Variants in ABCC4 observed in about 807,000 individuals in gnomAD.
The protein encoded by ABCC4 is ATP binding cassette subfamily C member 4 (PEL blood group).
In ABCC4, 102 loss-of-function variants were observed where a neutral mutation model predicts 168.5. That is an observed-to-expected ratio of 0.61 (90% CI 0.52 to 0.71). ABCC4 has a LOEUF of 0.71. ABCC4 is among the 30% of genes least tolerant of loss of function. The pLI is 0.00. For synonymous variants in ABCC4, 617 were observed against 590.7 expected, an observed-to-expected ratio of 1.04 and a Z score of -0.65; for missense variants, 1,402 against 1,605.8, an observed-to-expected ratio of 0.87 and a Z score of 2.17.
intron 1 of ABCC4, among the ~76,000 whole-genome samples, chr13:95,294,474 C>T (rs2041477148): frequency 6.6e-6 from 1 of 152,152 alleles, no homozygotes; most frequent in African/African-American, 2.4e-5. Context: ...GGACTTTCAC[C>T]ATCTTGCGGC....
chr13:95,047,545 TC>T (rs2032639934), intron 27 of ABCC4, among the ~76,000 whole-genome samples: 2 of 139,096 alleles, frequency 1.4e-5, no homozygotes, highest in African/African-American at 5.3e-5. Flanking sequence ...AGTGGTGCGA[TC>T]TCAGCTCACT....
chr13:95,201,208 CTACATGCA>C (rs2038614923), intron 8 of ABCC4, among the ~76,000 whole-genome samples: 1 of 152,186 alleles, frequency 6.6e-6, no homozygotes, highest in East Asian at 1.9e-4. Flanking sequence ...TTTTATTTTA[CTACATGCA>C]TACATCTATC....
At chr13:95,136,690 A>G (rs2036153963) in intron 19 of ABCC4, among the ~76,000 whole-genome samples, 1 of 152,332 alleles carries the variant, frequency 6.6e-6, no homozygotes, top group African/African-American at 2.4e-5. Context: ...CCACACATCA[A>G]TTCTCCTAGT....
chr13:95,159,132 T>TATATATATAA (rs1486901839), intron 19 of ABCC4, among the ~76,000 whole-genome samples: 6 of 124,392 alleles, frequency 4.8e-5, no homozygotes, highest in African/African-American at 1.3e-4. Flanking sequence ...TATATATATA[T>TATATATATAA]AACTATTGAA....
intron 30 of ABCC4, among the ~76,000 whole-genome samples, chr13:95,029,244 AG>A (rs1255784705): frequency 3.9e-4 from 2 of 5,120 alleles, no homozygotes; most frequent in African/African-American, 6.9e-4. Flanking sequence ...AGAGAGAGAG[AG>A]AGAGAGAGAA....
chr13:95,109,567 A>G (rs750025331), intron 20 of ABCC4, among the ~76,000 whole-genome samples: 5 of 152,194 alleles, frequency 3.3e-5, no homozygotes, highest in Non-Finnish European at 5.9e-5. Context: ...ATCTATTTAG[A>G]TATTTATTCT....
chr13:95,225,153 T>TCACACACA (rs61398515), intron 4 of ABCC4, among the ~76,000 whole-genome samples: 3 of 35,220 alleles, frequency 8.5e-5, no homozygotes, highest in African/African-American at 1.9e-4. Context: ...TCTCTCTCTC[T>TCACACACA]CACACACACA....
chr13:95,240,319 G>A (rs906006680), intron 3 of ABCC4, among the ~76,000 whole-genome samples: 3 of 152,202 alleles, frequency 2.0e-5, no homozygotes, highest in Admixed American at 6.5e-5. Flanking sequence ...ACCACTTGAG[G>A]TCAGGAGTTC....
chr13:95,071,714 C>T lies in ABCC4; in HGVS notation c.3158G>A (p.Gly1053Asp). Residue 1053 changes from glycine to aspartate, a missense_variant, in exon 25 of 31, where the codon GGT becomes GAT. Transcript: ENST00000645237. Reference sequence around the variant, plus strand: ...CAGATGCTTCAGTACCAGAGGCCCACCTGGACTGTACATGAAGTTCACATT... The same window carrying T: ...CAGATGCTTCAGTACCAGAGGCCCATCTGGACTGTACATGAAGTTCACATT... The part of the protein sequence containing the change: ...FDNVNFMYSP[G>D]GPLVLKHLTA... 1 of 1,581,100 alleles carries T rather than the reference C, an allele frequency of 6.3e-7. No individual in the cohort carries two copies. Among genetic ancestry groups the T allele is most frequent in the Non-Finnish European group, 8.6e-7 (1 of 1,165,448 alleles).
intron 20 of ABCC4, among the ~76,000 whole-genome samples, chr13:95,105,185 C>T (rs9590185): frequency 0.033 from 5,079 of 152,008 alleles, 279 homozygotes; most frequent in African/African-American, 0.12. Context: ...CTAGCATGCA[C>T]ATTTCACAAT....
chr13:95,086,360 T>G (rs575148598), intron 20 of ABCC4, among the ~76,000 whole-genome samples: 1 of 152,300 alleles, frequency 6.6e-6, no homozygotes, highest in Non-Finnish European at 1.5e-5. Flanking sequence ...CACATTTTAA[T>G]AAATATATAA....
chr13:95,148,008 G>A (rs200975949), intron 19 of ABCC4, among the ~76,000 whole-genome samples: 1 of 151,204 alleles, frequency 6.6e-6, no homozygotes, highest in African/African-American at 2.4e-5. Context: ...TTTGTGGCTT[G>A]TTAGTCTTGG....
chr13:95,183,363 GC>G (rs1327049154), intron 11 of ABCC4, among the ~76,000 whole-genome samples: 2 of 152,088 alleles, frequency 1.3e-5, no homozygotes, highest in African/African-American at 4.8e-5. Flanking sequence ...GTACCTACAA[GC>G]CAGAATAATT....
At chr13:95,032,878 G>A (rs1169751701) in intron 30 of ABCC4, among the ~76,000 whole-genome samples, 1 of 149,636 alleles carries the variant, frequency 6.7e-6, no homozygotes, top group Non-Finnish European at 1.5e-5. Flanking sequence ...TGGCCAGGAT[G>A]GTCTTTATCT....
chr13:95,109,913 A>G (rs2035143850), intron 20 of ABCC4, among the ~76,000 whole-genome samples: 1 of 152,192 alleles, frequency 6.6e-6, no homozygotes, highest in African/African-American at 2.4e-5. Flanking sequence ...GTGGATGAAG[A>G]TAAAGCCTCT....
At chr13:95,290,967 C>T (rs2041387707) in intron 1 of ABCC4, among the ~76,000 whole-genome samples, 1 of 117,708 alleles carries the variant, frequency 8.5e-6, no homozygotes, top group Non-Finnish European at 1.6e-5. Flanking sequence ...CACTGCACTT[C>T]GGCCTGGGCG....
rs1392031508 is a variant in ABCC4 at position 95,111,001 on chromosome 13, AC to A, written c.2535+4920del. Among the ~76,000 whole-genome samples, 344 of 141,898 alleles carry A rather than the reference AC, an allele frequency of 2.4e-3. 1 individual carries two copies. Among genetic ancestry groups the A allele is most frequent in the African/African-American group, 5.5e-3 (215 of 39,020 alleles). 93.1% of individuals were successfully genotyped at this position (141,898 alleles called of 152,430 possible). A position where few individuals can be genotyped will look rare whatever the true frequency, so the allele number is the denominator to read the frequency against. ...AAAAAGAAAGAAAAAAAAAAAAAAA[AC>A]CACAGAAAAAAAGGAAGTAATCAAG... On this transcript the variant is annotated intron_variant, in intron 20 of 30. Transcript: ENST00000645237.
intron 19 of ABCC4, among the ~76,000 whole-genome samples, chr13:95,120,369 G>A (rs189508015): frequency 2.5e-4 from 38 of 151,954 alleles, no homozygotes; most frequent in Non-Finnish European, 4.3e-4. Flanking sequence ...GTTCAAGACC[G>A]GCCTGGCCAA....
intron 19 of ABCC4, among the ~76,000 whole-genome samples, chr13:95,136,799 T>C (rs778472781): frequency 3.3e-5 from 5 of 152,176 alleles, no homozygotes; most frequent in Non-Finnish European, 7.4e-5. Flanking sequence ...AACAAGTCCC[T>C]AGGAAGTGCC....
Sources: allele counts gnomAD v4.1 joint callset (sites outside exome capture counted in the v4.1 genomes callset), GRCh38; gene constraint gnomAD v4.1.1; transcripts MANE v1.5; gene names NCBI Gene and HGNC (gene_info 2026-07-23, HGNC 2026-07-21).